The following CNTNAP2 variants were observed in gnomAD, a reference collection of about 807,000 sequenced individuals.
CNTNAP2 encodes the protein contactin-associated protein-like 2.
Under a neutral mutation model 155.2 loss-of-function variants are expected in CNTNAP2, and 98 were observed. The ratio of observed to expected loss-of-function variants is 0.63; its 90% CI spans 0.54 to 0.75. The LOEUF (loss-of-function observed/expected upper bound fraction) is 0.75. Among genes scored for constraint, CNTNAP2 ranks in the 30% least tolerant of loss-of-function variants. The pLI is 0.00. For synonymous variants in CNTNAP2, 651 were observed against 631.2 expected (o/e 1.03, Z -0.47); for missense variants, 1,727 against 1,688.1 (o/e 1.02, Z -0.40).
At chr7:147,739,871 A>G (rs186478757) in intron 13 of CNTNAP2, among the ~76,000 whole-genome samples, 2 of 152,278 alleles carry the variant, frequency 1.3e-5, no homozygotes, top group Admixed American at 6.5e-5. Context: ...TATATTACAT[A>G]TCTATTGAAT....
chr7:146,235,851 C>T (rs1234426442), intron 1 of CNTNAP2, among the ~76,000 whole-genome samples: 1 of 151,992 alleles, frequency 6.6e-6, no homozygotes, highest in African/African-American at 2.4e-5. Flanking sequence ...CTTATAAAAA[C>T]CAAATTAGCA....
chr7:146,627,301 G>A (rs1285578175), intron 1 of CNTNAP2, among the ~76,000 whole-genome samples: 1 of 152,106 alleles, frequency 6.6e-6, no homozygotes, highest in Non-Finnish European at 1.5e-5. Flanking sequence ...AGATTTGGGT[G>A]GGGACACAGC....
chr7:146,750,372 G>A (rs1494449), intron 1 of CNTNAP2, among the ~76,000 whole-genome samples: 23,602 of 152,016 alleles, frequency 0.16, 2,420 homozygotes, highest in East Asian at 0.37. Flanking sequence ...TCAGCTACTC[G>A]TCTTACAATC....
intron 20 of CNTNAP2, among the ~76,000 whole-genome samples, chr7:148,250,095 C>T (rs1563011550): frequency 6.6e-6 from 1 of 152,266 alleles, no homozygotes; most frequent in Middle Eastern, 3.2e-3. Flanking sequence ...ACTTGAGCCT[C>T]ACTGGCTTCA....
In CNTNAP2 at chr7:146,207,231, C is replaced by T. The variant is rs73162122; in HGVS notation, c.97+90258C>T. Among the ~76,000 whole-genome samples the T allele has an allele frequency of 2.2e-3, 331 of 152,038 alleles. 3 individuals carry two copies. Among genetic ancestry groups the T allele is most frequent in the Admixed American group, 3.7e-3 (57 of 15,244 alleles). On this transcript the variant is annotated intron_variant, in intron 1 of 23. Coordinates refer to ENST00000361727, the MANE Select transcript of CNTNAP2 (RefSeq NM_014141.6). ...TAATTGGACTCTTAAAGTTTTTAGA[C>T]CAATCCACCACTAGTAGCATAGTAG... is the stretch of plus-strand genomic sequence containing the variant.
chr7:147,922,585 A>C (rs1346861021), intron 14 of CNTNAP2, among the ~76,000 whole-genome samples: 1 of 152,186 alleles, frequency 6.6e-6, no homozygotes, highest in Non-Finnish European at 1.5e-5. Flanking sequence ...CACATTCTAC[A>C]CTAGGTCCAT....
chr7:146,980,532 G>A (rs1182449110), intron 3 of CNTNAP2, among the ~76,000 whole-genome samples: 1 of 152,158 alleles, frequency 6.6e-6, no homozygotes, highest in Non-Finnish European at 1.5e-5. Flanking sequence ...AATGAAAAGA[G>A]ATTTAATGGG....
intron 15 of CNTNAP2, among the ~76,000 whole-genome samples, chr7:148,098,230 G>GCTCAT (rs1563198618): frequency 1.3e-5 from 2 of 151,970 alleles, no homozygotes; most frequent in African/African-American, 4.8e-5. Flanking sequence ...CAGATCATGA[G>GCTCAT]GTCAGGAGAT....
chr7:148,380,993 C>T (rs926566482), intron 21 of CNTNAP2, among the ~76,000 whole-genome samples: 1 of 152,252 alleles, frequency 6.6e-6, no homozygotes, highest in Non-Finnish European at 1.5e-5. Context: ...CACTTAGGTA[C>T]TGCCAGGAGC....
rs115714331 is a variant in CNTNAP2 at position 146,767,126 on chromosome 7, A to G, written c.98-7145A>G. 8.2e-3 allele frequency among the ~76,000 whole-genome samples: 1,242 copies of G among 152,128 alleles called. 20 individuals are homozygous for G. Among genetic ancestry groups the G allele is most frequent in the African/African-American group, 0.028 (1,156 of 41,490 alleles). The stretch of plus-strand genomic sequence containing the variant: ...CTTCTCTTCATGGTCCTTCTGTTTG[A>G]TAAGTTCTTTTGTGAACTTATTTGT... On this transcript the variant is annotated intron_variant, in intron 1 of 23. Transcript: ENST00000361727.
At chr7:147,916,185 G>A (rs1800157264) in intron 14 of CNTNAP2, among the ~76,000 whole-genome samples, 1 of 152,136 alleles carries the variant, frequency 6.6e-6, no homozygotes, top group Admixed American at 6.5e-5. Context: ...TGAAACACCT[G>A]TTATTGGCAA....
chr7:148,051,713 A>G (rs953849753), intron 15 of CNTNAP2, among the ~76,000 whole-genome samples: 6 of 152,372 alleles, frequency 3.9e-5, no homozygotes, highest in Admixed American at 2.6e-4. Flanking sequence ...TATACTTTAA[A>G]AAATAGTTTC....
intron 14 of CNTNAP2, among the ~76,000 whole-genome samples, chr7:147,951,995 C>T (rs1459282462): frequency 2.0e-5 from 3 of 151,630 alleles, no homozygotes; most frequent in African/African-American, 7.3e-5. Context: ...CTCATAGTGG[C>T]ATGGCCCCAA....
At chr7:148,218,379 C>T (rs1439229939) in intron 19 of CNTNAP2, among the ~76,000 whole-genome samples, 3 of 152,118 alleles carry the variant, frequency 2.0e-5, no homozygotes, top group Non-Finnish European at 2.9e-5. Flanking sequence ...ATAAAGGTTG[C>T]TTAAAGCAGG....
At chr7:147,540,213 T>TGGACTCCAGTCACTCTGAGTG (rs1464501559) in intron 11 of CNTNAP2, among the ~76,000 whole-genome samples, 1 of 152,172 alleles carries the variant, frequency 6.6e-6, no homozygotes, top group Non-Finnish European at 1.5e-5. Flanking sequence ...TCTTGAAATC[T>TGGACTCCAGTCACTCTGAGTG]GGACTCCAGT....
intron 10 of CNTNAP2, among the ~76,000 whole-genome samples, chr7:147,449,219 A>G (rs1396617885): frequency 4.6e-5 from 7 of 152,050 alleles, no homozygotes. Flanking sequence ...GCAAAATGTG[A>G]TAGACATTTG....
chr7:147,595,881 C>G (rs182664653), intron 12 of CNTNAP2, among the ~76,000 whole-genome samples: 2 of 152,300 alleles, frequency 1.3e-5, no homozygotes, highest in Admixed American at 1.3e-4. Flanking sequence ...GAAGACTCTC[C>G]GTGACCTCTA....
chr7:147,593,282 A>C (rs1367430390), intron 12 of CNTNAP2, among the ~76,000 whole-genome samples: 1 of 149,666 alleles, frequency 6.7e-6, no homozygotes, highest in East Asian at 2.0e-4. Context: ...CAGAGATGGA[A>C]GGAACCTTAC....
chr7:147,341,636 G>A (rs1313637940), intron 9 of CNTNAP2, among the ~76,000 whole-genome samples: 2 of 151,702 alleles, frequency 1.3e-5, no homozygotes, highest in Non-Finnish European at 2.9e-5. Context: ...ACTTTTATTA[G>A]CATTGAGAAA....
Sources: allele counts gnomAD v4.1 joint callset (sites outside exome capture counted in the v4.1 genomes callset), GRCh38; gene constraint gnomAD v4.1.1; transcripts MANE v1.5; gene names NCBI Gene and HGNC (gene_info 2026-07-23, HGNC 2026-07-21).